The following CERS4 variants were observed in gnomAD, a reference collection of about 807,000 sequenced individuals.
The protein encoded by CERS4 is LAG1 homolog, ceramide synthase 4.
A neutral mutation model predicts 51.8 loss-of-function variants in CERS4; 65 were observed. The observed-to-expected ratio is 1.26, with a 90% confidence interval of 1.03 to 1.54. The LOEUF is 1.54. Among genes scored for constraint, CERS4 ranks in the 40% most tolerant of loss-of-function variants. The pLI is 0.00. For missense variants in CERS4, 563 were observed against 500.4 expected, an observed-to-expected ratio of 1.13 and a Z score of -1.19; for synonymous variants, 228 against 208.4, an observed-to-expected ratio of 1.09 and a Z score of -0.81.
chr19:8,253,625 C>T (rs147171029), intron 3 of CERS4, among the ~76,000 whole-genome samples: 63 of 151,950 alleles, frequency 4.1e-4, no homozygotes, highest in African/African-American at 1.3e-3. Flanking sequence ...CCACCTCGCC[C>T]GGCTAATTTT....
intron 2 of CERS4, chr19:8,250,623 A>G (rs2336166): frequency 0.31 from 49,817 of 158,480 alleles, 9,136 homozygotes; most frequent in Non-Finnish European, 0.42. Context: ...CGCCCAGCTC[A>G]TTTTTGTATT....
chr19:8,232,166 A>G (rs910638693), intron 2 of CERS4, among the ~76,000 whole-genome samples: 4 of 151,910 alleles, frequency 2.6e-5, no homozygotes, highest in African/African-American at 4.8e-5. Context: ...TTTATCTCCA[A>G]TGAATAGCAA....
intron 2 of CERS4, among the ~76,000 whole-genome samples, chr19:8,223,455 T>TA (rs1967645650): frequency 6.6e-6 from 1 of 151,462 alleles, no homozygotes. Context: ...CTGTCTCTAC[T>TA]AAAAAAATAC....
chr19:8,243,860 A>C (rs1968645584), intron 2 of CERS4, among the ~76,000 whole-genome samples: 1 of 151,682 alleles, frequency 6.6e-6, no homozygotes, highest in Admixed American at 6.6e-5. Context: ...CACACCCACA[A>C]TTTGTGTTGT....
chr19:8,234,596 C>T (rs922193745), intron 2 of CERS4, among the ~76,000 whole-genome samples: 1 of 140,704 alleles, frequency 7.1e-6, no homozygotes, highest in Non-Finnish European at 1.5e-5. Context: ...CTCTATCCCC[C>T]AGGCAGGAGT....
chr19:8,230,072 G>GA (rs1218274994), intron 2 of CERS4, among the ~76,000 whole-genome samples: 5 of 152,054 alleles, frequency 3.3e-5, no homozygotes, highest in Non-Finnish European at 5.9e-5. Context: ...TAGCCATAGG[G>GA]AAAAAAATCA....
chr19:8,224,849 G>A (rs1240150097), intron 2 of CERS4, among the ~76,000 whole-genome samples: 1 of 152,126 alleles, frequency 6.6e-6, no homozygotes, highest in East Asian at 1.9e-4. Flanking sequence ...GGTGTGAGAT[G>A]GAGTCAGAGA....
At chr19:8,241,688 A>G (rs1487212979) in intron 2 of CERS4, among the ~76,000 whole-genome samples, 1 of 152,138 alleles carries the variant, frequency 6.6e-6, no homozygotes, top group Non-Finnish European at 1.5e-5. Flanking sequence ...CATTTTACAG[A>G]TAAAACTGAG....
chr19:8,213,037 T>C (rs1967143760), intron 2 of CERS4, among the ~76,000 whole-genome samples: 1 of 151,746 alleles, frequency 6.6e-6, no homozygotes, highest in Admixed American at 6.6e-5. Flanking sequence ...CTTTTCTTTC[T>C]TGTTTTTGTT....
intron 2 of CERS4, among the ~76,000 whole-genome samples, chr19:8,244,571 G>A (rs114229948): frequency 1.5e-3 from 227 of 152,172 alleles, no homozygotes; most frequent in African/African-American, 5.2e-3. Flanking sequence ...CCTCTAAAAT[G>A]TCTCTGGAAT....
rs765990350 is a variant in CERS4, at chr19:8,257,054, G to A, written c.718G>A (p.Asp240Asn). Reference sequence around the variant, plus strand: ...TGGCTCTCTGGTGCTGCTGTTACACGATTCCTCTGACTACCTGCTGGAGGT... The same window carrying A: ...TGGCTCTCTGGTGCTGCTGTTACACAATTCCTCTGACTACCTGCTGGAGGT... ...RIGSLVLLLHDSSDYLLEACK... is the reference protein window; with the variant it reads ...RIGSLVLLLHNSSDYLLEACK... Residue 240 changes from aspartate to asparagine, a missense_variant, in exon 9 of 12, where the codon GAT becomes AAT. By Grantham distance (23) the Asp-to-Asn change is conservative. Coordinates refer to ENST00000251363, the MANE Select transcript of CERS4 (RefSeq NM_024552.3). 2.4e-5 allele frequency: 38 copies of A among 1,607,800 alleles called. No individual in the cohort carries two copies. The highest frequency in any genetic ancestry group is 2.1e-4 in the South Asian group (19 of 90,320).
intron 2 of CERS4, among the ~76,000 whole-genome samples, chr19:8,221,885 T>G (rs1259717716): frequency 6.3e-5 from 6 of 94,562 alleles, no homozygotes; most frequent in Admixed American, 1.0e-4. Context: ...TTTTTTTTTT[T>G]TTTTTTTTTT....
rs1444185030 is a variant in CERS4, at chr19:8,261,675, C to G, written c.849-13C>G. On this transcript the variant is annotated splice_polypyrimidine_tract_variant and intron_variant, in intron 10 of 11. Coordinates refer to ENST00000251363, the MANE Select transcript of CERS4 (RefSeq NM_024552.3). ...GGTCAAACCCCAGCCTCCTCCTCTC[C>G]CCCTGGCTGTAGGATCCTCTACACC... The G allele has an allele frequency of 1.2e-6, 2 of 1,613,724 alleles. No homozygotes were observed. Among genetic ancestry groups the G allele is most frequent in the Non-Finnish European group, 1.7e-6 (2 of 1,179,908 alleles).
chr19:8,234,077 C>A (rs139702619), intron 2 of CERS4, among the ~76,000 whole-genome samples: 1 of 151,826 alleles, frequency 6.6e-6, no homozygotes, highest in Admixed American at 6.6e-5. Context: ...GAGGCCGAGG[C>A]GGGCGGATCA....
chr19:8,221,095 G>A (rs891656305), intron 2 of CERS4, among the ~76,000 whole-genome samples: 3 of 151,848 alleles, frequency 2.0e-5, no homozygotes, highest in Non-Finnish European at 4.4e-5. Flanking sequence ...AAAGTGCTGG[G>A]ATTACAGGCG....
intron 1 of CERS4, chr19:8,209,854 T>TGGCCTCGGAGTCCGCAGCCC: frequency 6.6e-6 from 1 of 152,308 alleles, no homozygotes; most frequent in East Asian, 1.9e-4. Flanking sequence ...GCTGGGGCCC[T>TGGCCTCGGAGTCCGCAGCCC]GGCCTCGGAG....
At chr19:8,227,194 C>T (rs1004111749) in intron 2 of CERS4, among the ~76,000 whole-genome samples, 1 of 152,074 alleles carries the variant, frequency 6.6e-6, no homozygotes, top group African/African-American at 2.4e-5. Flanking sequence ...ACCAAAAATG[C>T]CCCCTCTCCT....
Position 8,256,749 on chromosome 19 carries a change from C to G in CERS4, c.612+39C>G, listed in dbSNP as rs371819425. 5.6e-6 allele frequency: 9 copies of G among 1,597,412 alleles called. No individual in the cohort carries two copies. In the African/African-American group the frequency reaches 1.2e-4, roughly 21 times the overall value. The stretch of plus-strand genomic sequence containing the variant: ...AGAGTCTGGAAGACCCAGTCTCTGG[C>G]CGGGATGCTGGGGTGCTGGGGGGTA... On this transcript the variant is annotated intron_variant, in intron 8 of 11. Coordinates refer to ENST00000251363, the MANE Select transcript of CERS4 (RefSeq NM_024552.3).
intron 2 of CERS4, among the ~76,000 whole-genome samples, chr19:8,226,378 C>A (rs965867710): frequency 6.6e-6 from 1 of 152,136 alleles, no homozygotes; most frequent in Non-Finnish European, 1.5e-5. Flanking sequence ...AAAGCCTGCT[C>A]TCCCACAGAA....
Sources: allele counts gnomAD v4.1 joint callset (sites outside exome capture counted in the v4.1 genomes callset), GRCh38; gene constraint gnomAD v4.1.1; transcripts MANE v1.5; gene names NCBI Gene and HGNC (gene_info 2026-07-23, HGNC 2026-07-21).